Variants in VPS13A observed in about 807,000 individuals in gnomAD.
VPS13A encodes vacuolar protein sorting 13 homolog A, also known as intermembrane lipid transfer protein VPS13A.
VPS13A carries 264 observed loss-of-function variants against 390.9 expected under a neutral mutation model. The ratio of observed to expected loss-of-function variants is 0.68; its 90% CI spans 0.61 to 0.75. The LOEUF (loss-of-function observed/expected upper bound fraction) is 0.75. Among genes scored for constraint, VPS13A ranks in the 30% least tolerant of loss-of-function variants. The pLI, the probability that VPS13A is intolerant of heterozygous loss-of-function variation, is 0.00. For synonymous variants in VPS13A, 1,231 were observed against 1,227.1 expected, an observed-to-expected ratio of 1.00 and a Z score of -0.07; for missense variants, 3,409 against 3,733.9, an observed-to-expected ratio of 0.91 and a Z score of 2.27.
chr9:77,263,858 C>A (rs944597945), intron 23 of VPS13A, among the ~76,000 whole-genome samples: 3 of 152,140 alleles, frequency 2.0e-5, no homozygotes, highest in African/African-American at 7.2e-5. Context: ...AGGTTTCCTT[C>A]TAGAGTTTTT....
intron 52 of VPS13A, 42 bp from the exon 53 acceptor site, chr9:77,351,275 T>A: frequency 6.2e-7 from 1 of 1,608,028 alleles, no homozygotes; most frequent in African/African-American, 1.3e-5. Context: ...TCTCTTCGTG[T>A]ACTTGCATTT....
At chr9:77,369,666 G>A (rs1832638327) in intron 63 of VPS13A, among the ~76,000 whole-genome samples, 1 of 152,140 alleles carries the variant, frequency 6.6e-6, no homozygotes, top group South Asian at 2.1e-4. Flanking sequence ...GGTGGATAAA[G>A]TAGAAAGAAG....
intron 45 of VPS13A, among the ~76,000 whole-genome samples, chr9:77,324,465 G>C (rs1300687343): frequency 1.3e-5 from 2 of 152,076 alleles, no homozygotes; most frequent in East Asian, 3.9e-4. Context: ...AGTTGATTTT[G>C]GATTTTGTCA....
chr9:77,208,823 T>G (rs1366066215), intron 5 of VPS13A, among the ~76,000 whole-genome samples: 3 of 152,242 alleles, frequency 2.0e-5, no homozygotes, highest in Non-Finnish European at 4.4e-5. Context: ...GTGCTGGGAT[T>G]ACAGGTGTGA....
In VPS13A at chr9:77,226,517, GATA is replaced by G; in HGVS notation, c.1281_1283del (p.Asn427del). On this transcript the variant is annotated inframe_deletion, in exon 15 of 72. Coordinates refer to ENST00000360280, the MANE Select transcript of VPS13A (RefSeq NM_033305.3). ...CAAAGAAGGAGTAAAAGATCCAGAG[GATA>G]ATAAAGGGTGGTTTAGCTGGCTATG... The G allele has an allele frequency of 2.5e-6, 4 of 1,612,954 alleles. No homozygotes were observed. Among genetic ancestry groups the G allele is most frequent in the Non-Finnish European group, 3.4e-6 (4 of 1,179,284 alleles).
At chr9:77,299,325 A>C (rs1181381557) in intron 33 of VPS13A, among the ~76,000 whole-genome samples, 4 of 152,132 alleles carry the variant, frequency 2.6e-5, no homozygotes, top group Non-Finnish European at 1.5e-5. Context: ...TGTGAATAGC[A>C]TTGAATCTAT....
Position 77,384,440 on chromosome 9 carries a change from A to G in VPS13A, c.9189+2353A>G, listed in dbSNP as rs1469167667. The G allele has an allele frequency of 3.6e-6, 4 of 1,121,644 alleles. No homozygotes were observed. In the East Asian group the frequency reaches 9.5e-5, roughly 27 times the overall value. 69.5% of individuals were successfully genotyped at this position (1,121,644 alleles called of 1,614,324 possible). A position where few individuals can be genotyped will look rare whatever the true frequency, so the allele number is the denominator to read the frequency against. On this transcript the variant is annotated intron_variant, in intron 68 of 71. Transcript: ENST00000360280. ...TATTAAGTTATGGAATATTATATCC[A>G]TAATTACAGTCTGAGTCATAGCTGA...
chr9:77,359,879 T>C (rs1003144505), intron 58 of VPS13A, among the ~76,000 whole-genome samples: 11 of 152,020 alleles, frequency 7.2e-5, no homozygotes, highest in African/African-American at 2.7e-4. Context: ...TCATTGTTTC[T>C]GGATTTTGGA....
intron 32 of VPS13A, among the ~76,000 whole-genome samples, chr9:77,294,288 A>G (rs1006661513): frequency 8.5e-5 from 13 of 152,140 alleles, no homozygotes; most frequent in Non-Finnish European, 1.6e-4. Flanking sequence ...TTTAACCCCT[A>G]TATGACTCCA....
intron 45 of VPS13A, among the ~76,000 whole-genome samples, chr9:77,324,790 T>C (rs886399581): frequency 2.0e-5 from 3 of 152,066 alleles, no homozygotes; most frequent in Non-Finnish European, 4.4e-5. Flanking sequence ...AATCCTCCTA[T>C]CTCAACCTCC....
intron 68 of VPS13A, among the ~76,000 whole-genome samples, chr9:77,392,085 C>T (rs1447624876): frequency 1.3e-5 from 2 of 152,298 alleles, no homozygotes; most frequent in South Asian, 4.1e-4. Context: ...GATCTTCACA[C>T]TCTCATTCCT....
intron 25 of VPS13A, 90 bp downstream of exon 25, chr9:77,275,742 TA>T: frequency 7.1e-7 from 1 of 1,408,348 alleles, no homozygotes; most frequent in Admixed American, 1.8e-5. Flanking sequence ...TAAGAAGCAC[TA>T]TCTTTTTCAC....
chr9:77,195,744 A>C (rs989496810), intron 1 of VPS13A, among the ~76,000 whole-genome samples: 1 of 151,404 alleles, frequency 6.6e-6, no homozygotes, highest in South Asian at 2.1e-4. Flanking sequence ...CTCAAAAAAG[A>C]AAAAAAAAGA....
At position 77,400,223 on chromosome 9, in the gene VPS13A, A is replaced by ATTTTTTTTTTTTT. The variant is rs34605855; in HGVS notation, c.9190-3003_9190-2991dup. ...ATATTTTCTCATGTTTATCAGTCAG[A>ATTTTTTTTTTTTT]TTTTTTTTTTTTTTTTTTTTTTGCT... On this transcript the variant is annotated intron_variant, in intron 68 of 71. Transcript: ENST00000360280. Among the ~76,000 whole-genome samples the ATTTTTTTTTTTTT allele has an allele frequency of 1.4e-3, 121 of 88,084 alleles. 1 individual carries two copies. The highest frequency in any genetic ancestry group is 4.3e-3 in the African/African-American group (84 of 19,588). 57.8% of individuals were successfully genotyped at this position (88,084 alleles called of 152,430 possible). A position where few individuals can be genotyped will look rare whatever the true frequency, so the allele number is the denominator to read the frequency against.
rs1826491756 is a variant in VPS13A, at chr9:77,273,895, T to C, written c.2512+531T>C. 2.0e-5 allele frequency among the ~76,000 whole-genome samples: 3 copies of C among 152,182 alleles called. 1 individual carries two copies. On this transcript the variant is annotated intron_variant, in intron 24 of 71. Transcript: ENST00000360280. The stretch of plus-strand genomic sequence containing the variant: ...TTAGAAAAGGGAAACTTAGGATCTG[T>C]CTTCAGAGCTTTTCCTGTGTCTGCT...
At position 77,315,260 on chromosome 9, in the gene VPS13A, G is replaced by A; in HGVS notation, c.4420G>A (p.Gly1474Arg). 1 of 1,613,748 alleles carries A rather than the reference G, an allele frequency of 6.2e-7. No homozygotes were observed. The highest frequency in any genetic ancestry group is 8.5e-7 in the Non-Finnish European group (1 of 1,179,726). ...HVKKATPRMI[G>R]LTVGFDKKDM... ...TGTTATTGTGTTTTCCAGAATGATA[G>A]GACTGACAGTTGGTTTTGACAAAAA... Residue 1474 changes from glycine to arginine, a missense_variant, in exon 38 of 72, where the codon GGA (glycine) becomes AGA (arginine). This residue lies in a region of VPS13A where 2,717 missense variants were observed against 2,917.4 expected (regional missense o/e 0.93). Transcript: ENST00000360280.
chr9:77,392,511 T>A (rs959441184), intron 68 of VPS13A, among the ~76,000 whole-genome samples: 2 of 152,126 alleles, frequency 1.3e-5, no homozygotes, highest in Non-Finnish European at 2.9e-5. Context: ...GTAGTGCTTA[T>A]CTTGGTGTTG....
At chr9:77,324,496 G>C (rs531695986) in intron 45 of VPS13A, among the ~76,000 whole-genome samples, 16 of 152,190 alleles carry the variant, frequency 1.1e-4, no homozygotes, top group African/African-American at 3.9e-4. Flanking sequence ...CTGTACAAGA[G>C]GAGGATATAT....
chr9:77,250,949 T>G (rs1825118502), intron 21 of VPS13A, among the ~76,000 whole-genome samples: 1 of 152,212 alleles, frequency 6.6e-6, no homozygotes. Flanking sequence ...TTCAGTAAAA[T>G]TTGATCTGTT....
Sources: allele counts gnomAD v4.1 joint callset (sites outside exome capture counted in the v4.1 genomes callset), GRCh38; gene constraint gnomAD v4.1.1; regional missense constraint gnomAD v4.1.1; transcripts MANE v1.5; gene names NCBI Gene and HGNC (gene_info 2026-07-23, HGNC 2026-07-21).